Variants in NT5DC3 observed in about 807,000 individuals in gnomAD.
NT5DC3 encodes 5'-nucleotidase domain-containing protein 3.
Under a neutral mutation model 67.8 loss-of-function variants are expected in NT5DC3, and 42 were observed. The ratio of observed to expected loss-of-function variants is 0.62; its 90% CI spans 0.48 to 0.80. The LOEUF is 0.80. Ranked by LOEUF, NT5DC3 falls within the 30% of genes least tolerant of loss-of-function variation. The pLI is 0.00. For synonymous variants in NT5DC3, 237 were observed against 255.6 expected (o/e 0.93, Z 0.69); for missense variants, 570 against 696.4 (o/e 0.82, Z 2.04).
intron 10 of NT5DC3, 96 bp downstream of exon 10, chr12:103,788,742 G>T: frequency 1.2e-6 from 1 of 816,146 alleles, no homozygotes. Flanking sequence ...TCAGAACTGT[G>T]CCAGGCATAC....
chr12:103,757,533 T>C, the NT5DC3 span, among the ~76,000 whole-genome samples: 860 of 152,286 alleles, frequency 5.6e-3, 4 homozygotes, highest in African/African-American at 0.02. Context: ...GAGCAGGGCT[T>C]GGGGGGCACC....
chr12:103,841,074 C>G lies in NT5DC3; in HGVS notation c.83G>C (p.Gly28Ala), dbSNP rs932124503. Residue 28 changes from glycine (G) to alanine (A), a missense_variant, in exon 1 of 14, where the codon GGG becomes GCG. Gly to Ala is a moderately conservative substitution (Grantham distance 60). Transcript: ENST00000392876. ...ACACGGCCGCCCCCGAGCCGCGGTC[C>G]CGCAGCCACCCCGCAAAGCCGCCGC... is the stretch of plus-strand genomic sequence containing the variant. ...ATAAALRGGC[G>A]TAARGRPCAG... 7.9e-7 allele frequency: 1 copy of G among 1,267,120 alleles called. No homozygotes were observed. 78.5% of individuals were successfully genotyped at this position (1,267,120 alleles called of 1,614,324 possible). A position where few individuals can be genotyped will look rare whatever the true frequency, so the allele number is the denominator to read the frequency against.
intron 1 of NT5DC3, chr12:103,821,962 A>G (rs1459512384): frequency 1.3e-5 from 2 of 152,246 alleles, no homozygotes; most frequent in African/African-American, 4.8e-5. Context: ...TCTAATGTCT[A>G]TGCATAAACA....
chr12:103,776,206 G>A lies in NT5DC3; in HGVS notation c.*1623C>T, dbSNP rs1885333688. 1 of 152,172 alleles carries A rather than the reference G, an allele frequency of 6.6e-6. No individual in the cohort carries two copies. Among genetic ancestry groups the A allele is most frequent in the Non-Finnish European group, 1.5e-5 (1 of 68,036 alleles). 9.4% of individuals were successfully genotyped at this position (152,172 alleles called of 1,614,324 possible). A position where few individuals can be genotyped will look rare whatever the true frequency, so the allele number is the denominator to read the frequency against. On this transcript the variant is annotated 3_prime_UTR_variant, in exon 14 of 14. Transcript: ENST00000392876. ...ATACTACAAATGCAGGTGCAATTAA[G>A]GATTCTTCCCTCCAACAAAAGGAAT...
downstream of NT5DC3, among the ~76,000 whole-genome samples, chr12:103,765,585 G>A (rs1884884262): frequency 6.6e-6 from 1 of 152,162 alleles, no homozygotes; most frequent in South Asian, 2.1e-4. Context: ...CCTTTTTTAG[G>A]CAGGGTCCTG....
the NT5DC3 span, among the ~76,000 whole-genome samples, chr12:103,751,507 G>A: frequency 6.6e-6 from 1 of 152,166 alleles, no homozygotes; most frequent in Non-Finnish European, 1.5e-5. Context: ...AGCTGGGGAG[G>A]GAAGGTGACG....
the NT5DC3 span, chr12:103,746,511 CAG>C: frequency 7.9e-5 from 101 of 1,279,226 alleles, 1 homozygote; most frequent in East Asian, 1.7e-3. Context: ...AGTGGTCGTC[CAG>C]AGAGAGTCTT....
Position 103,776,356 on chromosome 12 carries a change from G to C in NT5DC3, c.*1473C>G, listed in dbSNP as rs1885338227. Reference sequence around the variant, plus strand: ...AGATTATCTGAGGTCGGGAGTTCGAGACCAGCCTGACCAACATGGAGAAAC... The same window carrying C: ...AGATTATCTGAGGTCGGGAGTTCGACACCAGCCTGACCAACATGGAGAAAC... On this transcript the variant is annotated 3_prime_UTR_variant, in exon 14 of 14. Coordinates refer to ENST00000392876, the MANE Select transcript of NT5DC3 (RefSeq NM_001031701.3). The C allele has an allele frequency of 6.6e-6, 1 of 152,242 alleles. No homozygotes were observed. Among genetic ancestry groups the C allele is most frequent in the Non-Finnish European group, 1.5e-5 (1 of 68,108 alleles). The allele number at this position is 152,242 out of a possible 1,614,324, so 9.4% of individuals were successfully genotyped here.
chr12:103,829,400 G>A (rs2139464476), intron 1 of NT5DC3, among the ~76,000 whole-genome samples: 1 of 152,304 alleles, frequency 6.6e-6, no homozygotes, highest in African/African-American at 2.4e-5. Flanking sequence ...CTTATAGTAT[G>A]TATTTCCCTT....
At chr12:103,781,342 CCT>C (rs946004986) in intron 12 of NT5DC3, among the ~76,000 whole-genome samples, 3 of 152,224 alleles carry the variant, frequency 2.0e-5, no homozygotes, top group African/African-American at 7.2e-5. Flanking sequence ...GACTCTGAAC[CCT>C]GAGGCTGTTG....
intron 5 of NT5DC3, among the ~76,000 whole-genome samples, chr12:103,798,029 C>A (rs2139359818): frequency 6.6e-6 from 1 of 152,170 alleles, no homozygotes; most frequent in Middle Eastern, 3.4e-3. Flanking sequence ...ATTGTAAAGT[C>A]AAAAAATTCT....
At chr12:103,747,103 T>C in the NT5DC3 span, among the ~76,000 whole-genome samples, 4 of 152,018 alleles carry the variant, frequency 2.6e-5, no homozygotes, top group African/African-American at 7.2e-5. Context: ...ATTACAGGCA[T>C]GCGCCACCGC....
intron 2 of NT5DC3, 61 bp downstream of exon 2, chr12:103,814,876 C>T (rs1395991910): frequency 3.0e-6 from 4 of 1,336,366 alleles, no homozygotes; most frequent in Non-Finnish European, 4.1e-6. Context: ...GTCATGTCAG[C>T]TCAAGGCTGT....
At chr12:103,772,005 G>T (rs75109975), downstream of NT5DC3, among the ~76,000 whole-genome samples, 3 of 152,132 alleles carry the variant, frequency 2.0e-5, no homozygotes, top group Non-Finnish European at 4.4e-5. Flanking sequence ...ATATCCATGG[G>T]AGGAATGACA....
chr12:103,755,584 TG>T, the NT5DC3 span: 2 of 1,613,696 alleles, frequency 1.2e-6, no homozygotes, highest in Admixed American at 3.3e-5. Flanking sequence ...CTTACTTGTG[TG>T]GGACCCTGTG....
At position 103,814,965 on chromosome 12, in the gene NT5DC3, G is replaced by A. The variant is rs201458057; in HGVS notation, c.365C>T (p.Ala122Val). 1.1e-5 allele frequency: 17 copies of A among 1,612,218 alleles called. No individual in the cohort carries two copies. ...GTGTTCATTGATGAGAAGGTCCCGT[G>A]CAGCATTAAATATCAGCGTGTGGAG... ...KHLHTLIFNA[A>V]RDLLINEHRY... Residue 122 changes from alanine to valine, a missense_variant, in exon 2 of 14, where the codon GCA (alanine) becomes GTA (valine). Physicochemically the swap from Ala to Val is moderately conservative, Grantham distance 64. Coordinates refer to ENST00000392876, the MANE Select transcript of NT5DC3 (RefSeq NM_001031701.3).
intron 2 of NT5DC3, among the ~76,000 whole-genome samples, chr12:103,811,507 G>T (rs370712659): frequency 1.3e-5 from 2 of 152,044 alleles, no homozygotes; most frequent in African/African-American, 4.8e-5. Context: ...TAAGGAAAAC[G>T]CACATAGCAC....
chr12:103,815,466 G>A (rs1887211182), intron 1 of NT5DC3, among the ~76,000 whole-genome samples: 1 of 152,222 alleles, frequency 6.6e-6, no homozygotes. Flanking sequence ...CTGTTAACCA[G>A]ACTGGAGTGC....
chr12:103,825,792 G>A (rs1028780717), intron 1 of NT5DC3, among the ~76,000 whole-genome samples: 1 of 152,130 alleles, frequency 6.6e-6, no homozygotes, highest in Non-Finnish European at 1.5e-5. Context: ...GAGCCATGTC[G>A]AATGATCAAA....
Sources: allele counts gnomAD v4.1 joint callset (sites outside exome capture counted in the v4.1 genomes callset), GRCh38; gene constraint gnomAD v4.1.1; transcripts MANE v1.5; gene names NCBI Gene and HGNC (gene_info 2026-07-23, HGNC 2026-07-21).